Variants in KIAA1217 observed in about 807,000 individuals in gnomAD.
The protein encoded by KIAA1217 is sickle tail protein homolog.
Under a neutral mutation model 163.9 loss-of-function variants are expected in KIAA1217, and 88 were observed. That is an observed-to-expected ratio of 0.54 (90% CI 0.45 to 0.64). The LOEUF is 0.64. Among genes scored for constraint, KIAA1217 ranks in the 30% least tolerant of loss-of-function variants. The pLI, the probability that KIAA1217 is intolerant of heterozygous loss-of-function variation, is 0.00. For synonymous variants in KIAA1217, 903 were observed against 923.1 expected (o/e 0.98, Z 0.39); for missense variants, 2,372 against 2,475.0 (o/e 0.96, Z 0.88).
intron 2 of KIAA1217, among the ~76,000 whole-genome samples, chr10:24,066,174 A>G (rs1205409335): frequency 6.6e-6 from 1 of 151,986 alleles, no homozygotes; most frequent in Non-Finnish European, 1.5e-5. Context: ...TGTGAATTTG[A>G]TCCTGTCATT....
chr10:23,781,395 G>C (rs1835253231), intron 1 of KIAA1217, among the ~76,000 whole-genome samples: 1 of 151,984 alleles, frequency 6.6e-6, no homozygotes, highest in African/African-American at 2.4e-5. Context: ...CATCTCTGTT[G>C]GCCATTTTTA....
chr10:23,701,594 A>G (rs1836453825), intron 1 of KIAA1217, among the ~76,000 whole-genome samples: 1 of 152,204 alleles, frequency 6.6e-6, no homozygotes, highest in Non-Finnish European at 1.5e-5. Context: ...TCAATTAACC[A>G]ATGAAGCATT....
chr10:24,092,811 A>G (rs2131689088), intron 2 of KIAA1217, among the ~76,000 whole-genome samples: 1 of 151,858 alleles, frequency 6.6e-6, no homozygotes, highest in African/African-American at 2.4e-5. Flanking sequence ...ACTGTTTTGT[A>G]TCATGGCTGT....
intron 3 of KIAA1217, among the ~76,000 whole-genome samples, chr10:24,401,236 G>A (rs1022863968): frequency 2.0e-5 from 3 of 151,662 alleles, no homozygotes; most frequent in South Asian, 2.1e-4. Context: ...ATTTGAGAGT[G>A]AGGGCAAAAA....
intron 16 of KIAA1217, 60 bp downstream of exon 16, chr10:24,533,297 T>G (rs983726797): frequency 4.4e-5 from 67 of 1,506,824 alleles, no homozygotes; most frequent in Non-Finnish European, 5.8e-5. Context: ...TCTCCAGCCA[T>G]GGCACTCACA....
intron 2 of KIAA1217, among the ~76,000 whole-genome samples, chr10:24,149,418 G>A (rs761768905): frequency 4.6e-5 from 7 of 151,608 alleles, no homozygotes; most frequent in South Asian, 2.1e-4. Context: ...TCCTGACCTC[G>A]AGGGATCTGC....
intron 2 of KIAA1217, among the ~76,000 whole-genome samples, chr10:24,171,932 T>C (rs2065649273): frequency 6.6e-6 from 1 of 152,212 alleles, no homozygotes; most frequent in South Asian, 2.1e-4. Context: ...GGGAGGAGTT[T>C]ACACACATTG....
chr10:23,954,080 G>A (rs139552445), intron 1 of KIAA1217, among the ~76,000 whole-genome samples: 13 of 152,310 alleles, frequency 8.5e-5, no homozygotes, highest in African/African-American at 3.1e-4. Context: ...GTCAACTCCT[G>A]AAGGGTTTGT....
intron 2 of KIAA1217, among the ~76,000 whole-genome samples, chr10:24,130,405 C>G (rs1276776957): frequency 6.6e-6 from 1 of 152,164 alleles, no homozygotes; most frequent in Non-Finnish European, 1.5e-5. Flanking sequence ...AGATTATAGG[C>G]TATTTTAAGG....
chr10:23,856,072 A>G (rs1193422700), intron 1 of KIAA1217, among the ~76,000 whole-genome samples: 1 of 152,162 alleles, frequency 6.6e-6, no homozygotes, highest in Non-Finnish European at 1.5e-5. Context: ...GTTCCTTTGG[A>G]GGAGGAGAGG....
At chr10:24,141,377 C>T (rs939946667) in intron 2 of KIAA1217, among the ~76,000 whole-genome samples, 1 of 152,062 alleles carries the variant, frequency 6.6e-6, no homozygotes, top group Non-Finnish European at 1.5e-5. Flanking sequence ...CTCCATTTTC[C>T]TACCACTTGG....
intron 1 of KIAA1217, among the ~76,000 whole-genome samples, chr10:23,940,460 C>CAAAAAAAAAAAAAAAAAAAAAAA (rs760090400): frequency 4.3e-5 from 2 of 46,028 alleles, no homozygotes; most frequent in Non-Finnish European, 9.6e-5. Context: ...GACTCCGTCT[C>CAAAAAAAAAAAAAAAAAAAAAAA]AAAAAAAAAA....
At chr10:24,009,723 G>T (rs895289219) in intron 2 of KIAA1217, among the ~76,000 whole-genome samples, 2 of 152,158 alleles carry the variant, frequency 1.3e-5, no homozygotes, top group Non-Finnish European at 2.9e-5. Flanking sequence ...CCCAGGATTT[G>T]AACCGAGCTC....
chr10:24,114,448 C>T (rs1441232454), intron 2 of KIAA1217, among the ~76,000 whole-genome samples: 1 of 152,202 alleles, frequency 6.6e-6, no homozygotes, highest in Non-Finnish European at 1.5e-5. Context: ...TCTCTTCTCA[C>T]TTACAGACCC....
At chr10:23,851,481 A>G (rs1839317357) in intron 1 of KIAA1217, among the ~76,000 whole-genome samples, 1 of 152,180 alleles carries the variant, frequency 6.6e-6, no homozygotes, top group African/African-American at 2.4e-5. Context: ...ATATGTGTGC[A>G]TGTGTCTTTA....
At position 24,473,266 on chromosome 10, in the gene KIAA1217, T is replaced by G; in HGVS notation, c.885T>G (p.Pro295=). Reference sequence around the variant, plus strand: ...TTGTTTATGCAAGAGGAGATGGCCCTGGGGCCCCTCGCCCCGGATCTACTG... The same window carrying G: ...TTGTTTATGCAAGAGGAGATGGCCCGGGGGCCCCTCGCCCCGGATCTACTG... ...RELVYARGDG[P]GAPRPGSTAH... Residue 295 remains proline, a synonymous_variant, in exon 6 of 21, where the codon CCT becomes CCG. Coordinates refer to ENST00000376454, the MANE Select transcript of KIAA1217 (RefSeq NM_019590.5). 1 of 1,520,896 alleles carries G rather than the reference T, an allele frequency of 6.6e-7. No individual in the cohort carries two copies. The highest frequency in any genetic ancestry group is 2.3e-5 in the East Asian group (1 of 44,100). The allele number at this position is 1,520,896 out of a possible 1,614,324, so 94.2% of individuals were successfully genotyped here. A position where few individuals can be genotyped will look rare whatever the true frequency, so the allele number is the denominator to read the frequency against.
chr10:23,850,439 G>A (rs1038816798), intron 1 of KIAA1217, among the ~76,000 whole-genome samples: 1 of 152,160 alleles, frequency 6.6e-6, no homozygotes, highest in East Asian at 1.9e-4. Flanking sequence ...TTCCACTGTA[G>A]GGAAAAAACC....
chr10:24,142,332 G>A (rs532805427), intron 2 of KIAA1217, among the ~76,000 whole-genome samples: 44 of 152,242 alleles, frequency 2.9e-4, no homozygotes, highest in Admixed American at 4.6e-4. Flanking sequence ...CTAATCATTT[G>A]TGGCTCTACT....
At chr10:23,889,546 G>T (rs1243082623) in intron 1 of KIAA1217, among the ~76,000 whole-genome samples, 3 of 151,786 alleles carry the variant, frequency 2.0e-5, no homozygotes, top group Non-Finnish European at 4.4e-5. Flanking sequence ...CTCTTTGTCA[G>T]TTATTTGTTT....
Sources: gnomAD v4.1 joint callset for allele counts (sites outside exome capture counted in the v4.1 genomes callset) on GRCh38, gnomAD v4.1.1 for gene constraint, MANE v1.5 for transcripts, NCBI Gene and HGNC (gene_info 2026-07-23, HGNC 2026-07-21) for gene names.